The following ARMC6 variants were observed in gnomAD, a reference collection of about 807,000 sequenced individuals.
ARMC6 encodes armadillo repeat containing 6, also known as armadillo repeat-containing protein 6.
ARMC6 carries 43 observed loss-of-function variants against 49.2 expected under a neutral mutation model. The ratio of observed to expected loss-of-function variants is 0.87; its 90% CI spans 0.69 to 1.13. ARMC6 has a LOEUF of 1.13. Ranked by LOEUF, ARMC6 falls within the 50% of genes most tolerant of loss-of-function variation. The probability of loss-of-function intolerance (pLI) is 0.00; values close to 1 mark genes in which losing one functional copy is unlikely to be tolerated. For synonymous variants in ARMC6, 262 were observed against 289.6 expected (o/e 0.90, Z 0.97); for missense variants, 627 against 682.0 (o/e 0.92, Z 0.90).
Position 19,055,758 on chromosome 19 carries a change from G to T in ARMC6, c.1156-33G>T. On this transcript the variant is annotated intron_variant, in intron 7 of 8. Coordinates refer to ENST00000535612, the MANE Select transcript of ARMC6 (RefSeq NM_001199196.2). This position sits in a 1 kb window ranked among gnomAD's most constrained non-coding sequence, Gnocchi z 5.7. ...GGATGTTGTGGGGGGTCTATCTGCTGCATCTCAGCCTTTCTGTGACTGGCC... is the reference window on the plus strand; with the variant it reads ...GGATGTTGTGGGGGGTCTATCTGCTTCATCTCAGCCTTTCTGTGACTGGCC... 6.5e-7 allele frequency: 1 copy of T among 1,535,402 alleles called. No individual in the cohort carries two copies.
chr19:19,056,658 C>G (rs1004937129), intron 8 of ARMC6, among the ~76,000 whole-genome samples: 1 of 152,112 alleles, frequency 6.6e-6, no homozygotes, highest in Non-Finnish European at 1.5e-5. Flanking sequence ...AGGTTTCTGC[C>G]CCCTCCTTGG....
In ARMC6 at chr19:19,055,367, G is replaced by C. The variant is rs770760571; in HGVS notation, c.1126G>C (p.Ala376Pro). 6.2e-7 allele frequency: 1 copy of C among 1,612,222 alleles called. No individual in the cohort carries two copies. The highest frequency in any genetic ancestry group is 8.5e-7 in the Non-Finnish European group (1 of 1,179,116). ...RAGGTESIVAAMTQHLTSPQV... is the reference protein window; with the variant it reads ...RAGGTESIVAPMTQHLTSPQV... Reference sequence around the variant, plus strand: ...TGGTGGGACGGAGTCCATCGTGGCTGCTATGACCCAGCATCTGACCAGCCC... The same window carrying C: ...TGGTGGGACGGAGTCCATCGTGGCTCCTATGACCCAGCATCTGACCAGCCC... The change falls in exon 7 of 9, where the codon GCT becomes CCT. Residue 376 changes from alanine to proline, a missense_variant. Physicochemically the swap from Ala to Pro is conservative, Grantham distance 27. Coordinates refer to ENST00000535612, the MANE Select transcript of ARMC6 (RefSeq NM_001199196.2). This position sits in a 1 kb window ranked among gnomAD's most constrained non-coding sequence, Gnocchi z 5.7.
chr19:19,057,764 A>T lies in ARMC6; in HGVS notation c.*136A>T. The T allele has an allele frequency of 3.0e-5, 16 of 531,218 alleles. No individual in the cohort carries two copies. Among genetic ancestry groups the T allele is most frequent in the Middle Eastern group, 3.1e-4 (1 of 3,188 alleles). 32.9% of individuals were successfully genotyped at this position (531,218 alleles called of 1,614,324 possible). Reference sequence around the variant, plus strand: ...AGTGTTTTCTGGCAGGCCCTAGGTAAAGGGTCGGGGGAGGGGGGAGCCTTG... The same window carrying T: ...AGTGTTTTCTGGCAGGCCCTAGGTATAGGGTCGGGGGAGGGGGGAGCCTTG... On this transcript the variant is annotated 3_prime_UTR_variant, in exon 9 of 9. Coordinates refer to ENST00000535612, the MANE Select transcript of ARMC6 (RefSeq NM_001199196.2).
chr19:19,057,508 G>T lies in ARMC6; in HGVS notation c.1386G>T (p.Met462Ile), dbSNP rs147940634. 8.1e-6 allele frequency: 13 copies of T among 1,614,068 alleles called. No homozygotes were observed. In the Admixed American group the frequency reaches 2.0e-4, roughly 25 times the overall value. Reference sequence around the variant, plus strand: ...ACCTGGGGGCTGAGGCACTCATCATGCAGGCCCGATCTGCCCACCGTGACT... The same window carrying T: ...ACCTGGGGGCTGAGGCACTCATCATTCAGGCCCGATCTGCCCACCGTGACT... Reference protein sequence around the residue: ...ILDLGAEALIMQARSAHRDCE... With the variant: ...ILDLGAEALIIQARSAHRDCE... Residue 462 changes from methionine to isoleucine, a missense_variant, in exon 9 of 9, where the codon ATG becomes ATT. Coordinates refer to ENST00000535612, the MANE Select transcript of ARMC6 (RefSeq NM_001199196.2).
chr19:19,049,059 ATTTTTTT>A (rs67876712), intron 4 of ARMC6, among the ~76,000 whole-genome samples: 1 of 124,968 alleles, frequency 8.0e-6, no homozygotes, highest in African/African-American at 3.1e-5. Context: ...GAGGACTTAG[ATTTTTTT>A]TTTTTTTTTT....
In ARMC6 at chr19:19,044,034, C is replaced by T. The variant is rs748195416; in HGVS notation, c.239C>T (p.Ser80Phe). 1 of 1,614,180 alleles carries T rather than the reference C, an allele frequency of 6.2e-7. No homozygotes were observed. Among genetic ancestry groups the T allele is most frequent in the East Asian group, 2.2e-5 (1 of 44,880 alleles). Residue 80 changes from serine to phenylalanine, a missense_variant, in exon 4 of 9, where the codon TCT becomes TTT. Transcript: ENST00000535612. ...ATTGTAAAGACGGCACCTAAAGTCT[C>T]TGCAGACGGATCCCAGGAGCCCACA... Reference protein sequence around the residue: ...SNIVKTAPKVSADGSQEPTHD... With the variant: ...SNIVKTAPKVFADGSQEPTHD...
intron 5 of ARMC6, among the ~76,000 whole-genome samples, chr19:19,053,002 C>T (rs1385450798): frequency 6.6e-6 from 1 of 152,180 alleles, no homozygotes; most frequent in African/African-American, 2.4e-5. Context: ...CTGCCAGAGA[C>T]AGGATATGTA....
intron 8 of ARMC6, 74 bp from the exon 9 acceptor site, chr19:19,057,342 A>T (rs1431038557): frequency 1.5e-6 from 2 of 1,296,834 alleles, no homozygotes. Flanking sequence ...TCTTGTTATG[A>T]TGAAGACCCT....
intron 2 of ARMC6, chr19:19,040,939 C>T (rs1400083597): frequency 9.5e-6 from 2 of 210,558 alleles, no homozygotes; most frequent in African/African-American, 2.4e-5. Flanking sequence ...CCAGCGTTAC[C>T]TGCCCCATGA....
In ARMC6 at chr19:19,033,770, G is replaced by A. The variant is rs1268098387; in HGVS notation, c.-240G>A. 1.2e-5 allele frequency: 3 copies of A among 249,036 alleles called. No individual in the cohort carries two copies. In the East Asian group the frequency reaches 2.5e-4, roughly 21 times the overall value. The allele number at this position is 249,036 out of a possible 1,614,324, so 15.4% of individuals were successfully genotyped here. ...GGCCTCGTTGGCTTTACCTTGGTTCGCGGTCGTCCTTGGTTATCGTGAGCG... is the reference window on the plus strand; with the variant it reads ...GGCCTCGTTGGCTTTACCTTGGTTCACGGTCGTCCTTGGTTATCGTGAGCG... On this transcript the variant is annotated 5_prime_UTR_variant, in exon 1 of 9. Coordinates refer to ENST00000535612, the MANE Select transcript of ARMC6 (RefSeq NM_001199196.2).
chr19:19,055,543 C>A lies in ARMC6; in HGVS notation c.1155+147C>A. The A allele has an allele frequency of 1.6e-6, 2 of 1,271,950 alleles. No individual in the cohort carries two copies. The highest frequency in any genetic ancestry group is 2.1e-6 in the Non-Finnish European group (2 of 937,620). 78.8% of individuals were successfully genotyped at this position (1,271,950 alleles called of 1,614,324 possible). A position where few individuals can be genotyped will look rare whatever the true frequency, so the allele number is the denominator to read the frequency against. On this transcript the variant is annotated intron_variant, in intron 7 of 8. Transcript: ENST00000535612. The surrounding 1 kb of genome is among the most constrained non-coding windows in gnomAD (Gnocchi z 5.7). ...GCATTGGCTCTCAAATGCTGACCTG[C>A]GTATGCATGACTTTGGGTGTCCTGG... is the stretch of plus-strand genomic sequence containing the variant.
chr19:19,049,462 A>G (rs943849069), intron 4 of ARMC6, among the ~76,000 whole-genome samples: 1 of 152,154 alleles, frequency 6.6e-6, no homozygotes. Context: ...TTCTGTCAGG[A>G]GCTTTTCAAG....
At position 19,055,922 on chromosome 19, in the gene ARMC6, C is replaced by T. The variant is rs1460244350; in HGVS notation, c.1287C>T (p.Gly429=). 20 of 1,609,032 alleles carry T rather than the reference C, an allele frequency of 1.2e-5. No individual in the cohort carries two copies. Among genetic ancestry groups the T allele is most frequent in the Non-Finnish European group, 1.6e-5 (19 of 1,178,892 alleles). Residue 429 remains glycine (G), a synonymous_variant, in exon 8 of 9, where the codon GGC becomes GGT. Transcript: ENST00000535612. This position sits in a 1 kb window ranked among gnomAD's most constrained non-coding sequence, Gnocchi z 5.7. ...QAMKAHPQKA[G]VQKQACMLIR... is the part of the protein sequence containing the mutation. Reference sequence around the variant, plus strand: ...TGAAGGCACACCCGCAGAAGGCCGGCGTGCAGGTGGGCAGGGCAGGGGATG... The same window carrying T: ...TGAAGGCACACCCGCAGAAGGCCGGTGTGCAGGTGGGCAGGGCAGGGGATG...
In ARMC6 at chr19:19,034,239, G is replaced by A. The variant is rs1320148181; in HGVS notation, c.29+1G>A. The A allele has an allele frequency of 1.3e-6, 2 of 1,594,514 alleles. No homozygotes were observed. The highest frequency in any genetic ancestry group is 2.7e-5 in the African/African-American group (2 of 74,882). On this transcript the variant is annotated splice_donor_variant, in intron 2 of 8. Transcript: ENST00000535612. LOFTEE classifies it high-confidence loss of function. ...GTGAACGATGTTGCTCTAGATACAG[G>A]TAATGGTGTGCAAATAATAACAGAG...
chr19:19,054,457 G>T, intron 6 of ARMC6, 136 bp downstream of exon 6: 1 of 947,004 alleles, frequency 1.1e-6, no homozygotes, highest in African/African-American at 1.7e-5. Context: ...GGACCCAAGG[G>T]CAGGAACCAA....
chr19:19,034,268 T>C, intron 2 of ARMC6, 30 bp downstream of exon 2: 1 of 1,590,458 alleles, frequency 6.3e-7, no homozygotes, highest in Non-Finnish European at 8.5e-7. Flanking sequence ...AACAGAGTGA[T>C]GGGACGGGAA....
At chr19:19,039,426 C>G (rs2059395133) in intron 2 of ARMC6, 1 of 443,692 alleles carries the variant, frequency 2.3e-6, no homozygotes, top group Non-Finnish European at 4.5e-6. Flanking sequence ...TGTGAGCCAC[C>G]ATGCCTGGCC....
rs1437762505 is a variant in ARMC6 at position 19,042,899 on chromosome 19, C to T, written c.196+22C>T. 6 of 1,612,422 alleles carry T rather than the reference C, an allele frequency of 3.7e-6. No individual in the cohort carries two copies. The African/African-American group carries it at 5.3e-5, about 14-fold the overall frequency. ...CAAGGTAGGGTGGTGTGACTGTCAC[C>T]TACCATCCTTGGCTCTTAGATGCAA... is the stretch of plus-strand genomic sequence containing the variant. On this transcript the variant is annotated intron_variant, in intron 3 of 8. Coordinates refer to ENST00000535612, the MANE Select transcript of ARMC6 (RefSeq NM_001199196.2).
At chr19:19,035,549 T>A (rs973075731) in intron 2 of ARMC6, among the ~76,000 whole-genome samples, 1 of 152,218 alleles carries the variant, frequency 6.6e-6, no homozygotes. Context: ...GTACCAGATC[T>A]AGGGGACCTT....
Sources: allele counts gnomAD v4.1 joint callset (sites outside exome capture counted in the v4.1 genomes callset), GRCh38; gene constraint gnomAD v4.1.1; non-coding constraint Gnocchi (gnomAD v3.1); transcripts MANE v1.5; gene names NCBI Gene and HGNC (gene_info 2026-07-23, HGNC 2026-07-21).